RCAN1: variants seen among roughly 807,000 people sequenced by gnomAD.
RCAN1 encodes calcipressin-1.
Under a neutral mutation model 22.9 loss-of-function variants are expected in RCAN1, and 11 were observed. The ratio of observed to expected loss-of-function variants is 0.48; its 90% CI spans 0.30 to 0.79. The LOEUF is 0.79. Among genes scored for constraint, RCAN1 ranks in the 30% least tolerant of loss-of-function variants. The pLI is 0.06. For missense variants in RCAN1, 291 were observed against 337.8 expected (o/e 0.86, Z 1.09); for synonymous variants, 136 against 142.3 (o/e 0.96, Z 0.32).
intron 1 of RCAN1, among the ~76,000 whole-genome samples, chr21:34,585,759 A>AC (rs1449133326): frequency 1.3e-5 from 2 of 151,080 alleles, no homozygotes; most frequent in East Asian, 3.9e-4. Flanking sequence ...AAAAAAAAAA[A>AC]AAAAACATAA....
intron 1 of RCAN1, among the ~76,000 whole-genome samples, chr21:34,530,631 T>TGTTTTG (rs766611950): frequency 2.8e-5 from 4 of 141,128 alleles, no homozygotes; most frequent in African/African-American, 5.4e-5. Context: ...TTTTTTTTTT[T>TGTTTTG]TTTTTTTTTT....
chr21:34,524,236 T>C (rs1416344331), intron 1 of RCAN1: 1 of 152,900 alleles, frequency 6.5e-6, no homozygotes, highest in Non-Finnish European at 1.5e-5. Context: ...TTTATTACAT[T>C]CATCGAATCA....
intron 1 of RCAN1, among the ~76,000 whole-genome samples, chr21:34,570,527 C>T (rs1327879907): frequency 6.6e-6 from 1 of 152,198 alleles, no homozygotes; most frequent in African/African-American, 2.4e-5. Context: ...ACCACTGAAA[C>T]ACGTGGAGCA....
chr21:34,607,325 G>GA (rs1210742904), intron 1 of RCAN1, among the ~76,000 whole-genome samples: 1 of 151,588 alleles, frequency 6.6e-6, no homozygotes, highest in South Asian at 2.1e-4. Flanking sequence ...AATCAGATTA[G>GA]AAAAAAATCC....
chr21:34,577,942 T>C (rs116262490), intron 1 of RCAN1, among the ~76,000 whole-genome samples: 32 of 152,220 alleles, frequency 2.1e-4, no homozygotes, highest in African/African-American at 7.0e-4. Flanking sequence ...AGGCTCAGCT[T>C]CGGACACAGT....
intron 1 of RCAN1, among the ~76,000 whole-genome samples, chr21:34,598,455 T>C (rs1988232193): frequency 6.6e-6 from 1 of 152,262 alleles, no homozygotes; most frequent in South Asian, 2.1e-4. Context: ...GAAAGAGCAC[T>C]GCTTAGCAAA....
At chr21:34,577,019 C>A (rs1658618678) in intron 1 of RCAN1, among the ~76,000 whole-genome samples, 1 of 152,146 alleles carries the variant, frequency 6.6e-6, no homozygotes. Flanking sequence ...CATCAGAAGG[C>A]CGGCAGGGGT....
chr21:34,551,113 T>G (rs754649510), intron 1 of RCAN1, among the ~76,000 whole-genome samples: 4 of 152,232 alleles, frequency 2.6e-5, no homozygotes, highest in Non-Finnish European at 5.9e-5. Flanking sequence ...CTCTTGTTTT[T>G]AAAACTGGGA....
intron 1 of RCAN1, among the ~76,000 whole-genome samples, chr21:34,533,094 G>A (rs970051132): frequency 2.6e-5 from 4 of 151,330 alleles, no homozygotes; most frequent in Non-Finnish European, 4.4e-5. Context: ...CCGAGTAGCT[G>A]GGACTACAGG....
intron 1 of RCAN1, among the ~76,000 whole-genome samples, chr21:34,585,228 A>G (rs968428138): frequency 6.6e-6 from 1 of 152,238 alleles, no homozygotes; most frequent in Admixed American, 6.5e-5. Flanking sequence ...CCATTTTGTT[A>G]TACAAAAAAG....
At chr21:34,563,579 G>A (rs1290527193) in intron 1 of RCAN1, among the ~76,000 whole-genome samples, 1 of 151,432 alleles carries the variant, frequency 6.6e-6, no homozygotes, top group East Asian at 2.0e-4. Context: ...CCATGGGGTA[G>A]GGCAGTGTAT....
At chr21:34,604,246 T>A (rs1359196846) in intron 1 of RCAN1, among the ~76,000 whole-genome samples, 1 of 152,182 alleles carries the variant, frequency 6.6e-6, no homozygotes, top group Admixed American at 6.5e-5. Flanking sequence ...TTCTCCTGCC[T>A]CAGCCTCCCG....
chr21:34,574,509 GA>G (rs1244676992), intron 1 of RCAN1, among the ~76,000 whole-genome samples: 1 of 152,226 alleles, frequency 6.6e-6, no homozygotes, highest in African/African-American at 2.4e-5. Context: ...AGAGCCCCCA[GA>G]AGGTAGATCA....
In RCAN1 at chr21:34,614,832, G is replaced by C; in HGVS notation, c.180C>G (p.Asp60Glu). 2.0e-6 allele frequency: 3 copies of C among 1,490,448 alleles called. No individual in the cohort carries two copies. Among genetic ancestry groups the C allele is most frequent in the South Asian group, 1.2e-5 (1 of 81,108 alleles). The allele number at this position is 1,490,448 out of a possible 1,614,324, so 92.3% of individuals were successfully genotyped here. A position where few individuals can be genotyped will look rare whatever the true frequency, so the allele number is the denominator to read the frequency against. ...SFIDCEMEEV[D>E]LQDLPSATIA... ...TGGTGGCGCTGGGCAGGTCCTGCAG[G>C]TCCACCTCCTCCATCTCGCAGTCAA... Residue 60 changes from aspartate to glutamate, a missense_variant, in exon 1 of 4, where the codon GAC becomes GAG. Transcript: ENST00000313806. This position sits in a 1 kb window ranked among gnomAD's most constrained non-coding sequence, Gnocchi z 6.0.
At position 34,597,469 on chromosome 21, in the gene RCAN1, C is replaced by T. The variant is rs115668799; in HGVS notation, c.252+17291G>A. ...GCAGATGGAGATGTGGCTCACAGAA[C>T]GTTCGGGAAGCTGCTTCTTTAAAGA... is the stretch of plus-strand genomic sequence containing the variant. On this transcript the variant is annotated intron_variant, in intron 1 of 3. Transcript: ENST00000313806. Among the ~76,000 whole-genome samples, 1,211 of 152,216 alleles carry T rather than the reference C, an allele frequency of 8.0e-3. 28 individuals are homozygous for T. In the East Asian group the frequency reaches 0.092, roughly 12 times the overall value.
chr21:34,554,257 A>T (rs1249821762), intron 1 of RCAN1, among the ~76,000 whole-genome samples: 1 of 152,236 alleles, frequency 6.6e-6, no homozygotes, highest in Non-Finnish European at 1.5e-5. Context: ...ATTTTGAATT[A>T]TGCCATCGCT....
At chr21:34,559,817 C>G (rs764655255) in intron 1 of RCAN1, 2 of 152,210 alleles carry the variant, frequency 1.3e-5, no homozygotes, top group Non-Finnish European at 2.9e-5. Context: ...TAAGGTCAGG[C>G]AGCTCACAAT....
chr21:34,565,964 G>C (rs924356072), intron 1 of RCAN1, among the ~76,000 whole-genome samples: 3 of 152,194 alleles, frequency 2.0e-5, no homozygotes, highest in Non-Finnish European at 4.4e-5. Context: ...GTCGGGGCTG[G>C]AGACTACGTT....
intron 1 of RCAN1, among the ~76,000 whole-genome samples, chr21:34,584,013 C>T (rs1230900037): frequency 6.6e-6 from 1 of 152,154 alleles, no homozygotes; most frequent in Non-Finnish European, 1.5e-5. Flanking sequence ...TAACTTGGAA[C>T]AACTTTTCTT....
Sources: gnomAD v4.1 joint callset for allele counts (sites outside exome capture counted in the v4.1 genomes callset) on GRCh38, gnomAD v4.1.1 for gene constraint, Gnocchi (gnomAD v3.1) non-coding constraint, MANE v1.5 for transcripts, NCBI Gene and HGNC (gene_info 2026-07-23, HGNC 2026-07-21) for gene names.